Variants in PPP1R14D observed in about 807,000 individuals in gnomAD.
PPP1R14D encodes protein phosphatase 1 regulatory subunit 14D.
In PPP1R14D, 14 loss-of-function variants were observed where a neutral mutation model predicts 17.1. The ratio of observed to expected loss-of-function variants is 0.82; its 90% CI spans 0.54 to 1.28. PPP1R14D has a LOEUF of 1.28. PPP1R14D is among the 50% of genes most tolerant of loss of function. The pLI, the probability that PPP1R14D is intolerant of heterozygous loss-of-function variation, is 0.00. For synonymous variants in PPP1R14D, 67 were observed against 66.1 expected (o/e 1.01, Z -0.06); for missense variants, 173 against 179.2 (o/e 0.97, Z 0.20).
intron 1 of PPP1R14D, among the ~76,000 whole-genome samples, chr15:40,827,647 A>G (rs1330634724): frequency 6.6e-6 from 1 of 151,904 alleles, no homozygotes; most frequent in Non-Finnish European, 1.5e-5. Context: ...TAGGCTGGGC[A>G]TGGTGGTGCA....
chr15:40,818,162 T>C (rs1890706012), intron 1 of PPP1R14D, among the ~76,000 whole-genome samples: 1 of 110,162 alleles, frequency 9.1e-6, no homozygotes, highest in East Asian at 2.3e-4. Flanking sequence ...TGGTGGTGGG[T>C]GCCTGTGTCC....
chr15:40,816,373 C>T, intron 1 of PPP1R14D, 120 bp from the exon 2 acceptor site: 1 of 776,470 alleles, frequency 1.3e-6, no homozygotes, highest in Non-Finnish European at 2.2e-6. Flanking sequence ...TCTCCTCACT[C>T]AGAACACCCA....
At chr15:40,825,432 A>G (rs1890855198) in intron 1 of PPP1R14D, among the ~76,000 whole-genome samples, 1 of 152,168 alleles carries the variant, frequency 6.6e-6, no homozygotes, top group African/African-American at 2.4e-5. Context: ...CCTCCGGACA[A>G]CAGGAGCTCT....
At chr15:40,817,535 GTCAT>G (rs1890693829) in intron 1 of PPP1R14D, among the ~76,000 whole-genome samples, 2 of 151,400 alleles carry the variant, frequency 1.3e-5, no homozygotes, top group South Asian at 4.2e-4. Context: ...ATTCATTCAT[GTCAT>G]TCATTGCTAG....
At chr15:40,819,312 C>T (rs1206807307) in intron 1 of PPP1R14D, among the ~76,000 whole-genome samples, 2 of 152,148 alleles carry the variant, frequency 1.3e-5, no homozygotes, top group Non-Finnish European at 2.9e-5. Context: ...AGGCGCGAGG[C>T]TGAGGCAGAT....
chr15:40,818,288 C>CAAAAAAA (rs764375543), intron 1 of PPP1R14D, among the ~76,000 whole-genome samples: 1 of 37,122 alleles, frequency 2.7e-5, no homozygotes, highest in Non-Finnish European at 5.6e-5. Flanking sequence ...GACTCCATCT[C>CAAAAAAA]AAAAAAAAAA....
chr15:40,816,768 C>T (rs1250846042), intron 1 of PPP1R14D, among the ~76,000 whole-genome samples: 21 of 151,676 alleles, frequency 1.4e-4, no homozygotes, highest in Admixed American at 1.4e-3. Flanking sequence ...GGACTGTTAC[C>T]CAAAAAATAC....
rs748791138 is a variant in PPP1R14D, at chr15:40,816,276, T to A, written c.256-23A>T. 4.4e-6 allele frequency: 7 copies of A among 1,598,774 alleles called. No individual in the cohort carries two copies. In the East Asian group the frequency reaches 1.6e-4, roughly 36 times the overall value. On this transcript the variant is annotated intron_variant, in intron 1 of 3. Coordinates refer to ENST00000299174, the MANE Select transcript of PPP1R14D (RefSeq NM_017726.8). Reference sequence around the variant, plus strand: ...ATCCTATTTGGAAATCACATGGGTCTCAGAGGGGCCTGACCAGCTGGTGCT... The same window carrying A: ...ATCCTATTTGGAAATCACATGGGTCACAGAGGGGCCTGACCAGCTGGTGCT...
At chr15:40,819,046 C>T (rs1035107902) in intron 1 of PPP1R14D, among the ~76,000 whole-genome samples, 2 of 152,082 alleles carry the variant, frequency 1.3e-5, no homozygotes, top group South Asian at 2.1e-4. Flanking sequence ...TAAAAAAGGA[C>T]GTGAGCTCAA....
At chr15:40,816,714 C>T (rs1423548172) in intron 1 of PPP1R14D, among the ~76,000 whole-genome samples, 12 of 150,628 alleles carry the variant, frequency 8.0e-5, no homozygotes, top group South Asian at 4.2e-4. Flanking sequence ...AGGGAGACTT[C>T]GTCGCAAAAA....
intron 1 of PPP1R14D, among the ~76,000 whole-genome samples, chr15:40,827,274 T>A (rs1204849798): frequency 4.6e-5 from 7 of 151,836 alleles, no homozygotes; most frequent in Admixed American, 3.9e-4. Flanking sequence ...TTTGGGAGGC[T>A]GAGGTGGGCA....
chr15:40,816,330 C>A, intron 1 of PPP1R14D, 77 bp from the exon 2 acceptor site: 1 of 1,176,918 alleles, frequency 8.5e-7, no homozygotes. Flanking sequence ...AGGGACTCAA[C>A]CCACCTCTCT....
intron 1 of PPP1R14D, among the ~76,000 whole-genome samples, chr15:40,821,341 A>C (rs917179987): frequency 6.6e-6 from 1 of 152,094 alleles, no homozygotes; most frequent in Non-Finnish European, 1.5e-5. Flanking sequence ...TCTCAAAACA[A>C]ACAAACAAAC....
Position 40,827,505 on chromosome 15 carries a change from C to CA in PPP1R14D, c.255+881dup, listed in dbSNP as rs371660350. Among the ~76,000 whole-genome samples the CA allele has an allele frequency of 6.6e-5, 10 of 151,720 alleles. 1 individual carries two copies. The highest frequency in any genetic ancestry group is 2.4e-4 in the African/African-American group (10 of 41,380). On this transcript the variant is annotated intron_variant, in intron 1 of 3. Transcript: ENST00000299174. ...GCTGGTTTACAGAGTAAGACTGTCTCAAAAAAAGGCAAAAGAAAAAAGAAA... is the reference window on the plus strand; with the variant it reads ...GCTGGTTTACAGAGTAAGACTGTCTCAAAAAAAAGGCAAAAGAAAAAAGAAA...
intron 1 of PPP1R14D, among the ~76,000 whole-genome samples, chr15:40,820,256 TGAA>T (rs918167964): frequency 4.0e-5 from 6 of 151,508 alleles, no homozygotes; most frequent in African/African-American, 1.5e-4. Context: ...CCTCCCAGGG[TGAA>T]GCAATTCTCC....
At position 40,828,583 on chromosome 15, in the gene PPP1R14D, C is replaced by G; in HGVS notation, c.59G>C (p.Cys20Ser). ...CCCAGAAGCCCAGTGGACCTTCTTA[C>G]ATGGGTTCTCCCCATCTGGGCTGGG... The part of the protein sequence containing the change: ...TSPSPDGENP[C>S]KKVHWASGRR... The change falls in exon 1 of 4, where the codon TGT becomes TCT. Residue 20 changes from cysteine to serine, a missense_variant. Transcript: ENST00000299174. The G allele has an allele frequency of 6.2e-7, 1 of 1,614,174 alleles. No homozygotes were observed. The highest frequency in any genetic ancestry group is 8.5e-7 in the Non-Finnish European group (1 of 1,180,004).
At chr15:40,817,902 A>T (rs1032035669) in intron 1 of PPP1R14D, among the ~76,000 whole-genome samples, 6 of 152,062 alleles carry the variant, frequency 3.9e-5, no homozygotes, top group Admixed American at 6.6e-5. Flanking sequence ...CGTAAGCACC[A>T]TGCCCAGCCC....
Position 40,815,626 on chromosome 15 carries a change from T to G in PPP1R14D, c.*70A>C, listed in dbSNP as rs570804084. 12 of 1,564,846 alleles carry G rather than the reference T, an allele frequency of 7.7e-6. No individual in the cohort carries two copies. In the South Asian group the frequency reaches 1.4e-4, roughly 18 times the overall value. On this transcript the variant is annotated 3_prime_UTR_variant, in exon 4 of 4. Transcript: ENST00000299174. Reference sequence around the variant, plus strand: ...TTTGTGTCCCAAGGAGCTATTTCCCTCTTAGCCAGGATCTGGAGTTTCAGG... The same window carrying G: ...TTTGTGTCCCAAGGAGCTATTTCCCGCTTAGCCAGGATCTGGAGTTTCAGG...
intron 1 of PPP1R14D, among the ~76,000 whole-genome samples, chr15:40,817,039 C>G (rs775563807): frequency 6.6e-6 from 1 of 151,916 alleles, no homozygotes; most frequent in Non-Finnish European, 1.5e-5. Flanking sequence ...CCACTGCACT[C>G]CAGCCCGTCT....
Sources: gnomAD v4.1 joint callset for allele counts (sites outside exome capture counted in the v4.1 genomes callset) on GRCh38, gnomAD v4.1.1 for gene constraint, MANE v1.5 for transcripts, NCBI Gene and HGNC (gene_info 2026-07-23, HGNC 2026-07-21) for gene names.